The following OTUD7A variants were observed in gnomAD, a reference collection of about 807,000 sequenced individuals.
OTUD7A encodes OTU domain-containing protein 7A.
In OTUD7A, 12 loss-of-function variants were observed where a neutral mutation model predicts 65.7. The observed-to-expected ratio is 0.18, with a 90% CI of 0.12 to 0.30. The LOEUF (loss-of-function observed/expected upper bound fraction) is 0.30, where lower values mean the gene tolerates loss of function less well. Among genes scored for constraint, OTUD7A ranks in the 10% least tolerant of loss-of-function variants. OTUD7A has a pLI of 1.00. For missense variants in OTUD7A, 1,148 were observed against 1,304.8 expected (o/e 0.88, Z 1.85); for synonymous variants, 641 against 586.3 (o/e 1.09, Z -1.35).
intron 6 of OTUD7A, among the ~76,000 whole-genome samples, chr15:31,528,424 G>C (rs1461018661): frequency 1.3e-5 from 2 of 152,262 alleles, no homozygotes; most frequent in Non-Finnish European, 2.9e-5. Context: ...GGGCTCTCGA[G>C]GGAACTGTGA....
intron 1 of OTUD7A, among the ~76,000 whole-genome samples, chr15:31,729,629 T>A (rs1893986930): frequency 6.6e-6 from 1 of 152,190 alleles, no homozygotes; most frequent in Non-Finnish European, 1.5e-5. Flanking sequence ...GGGTATTATT[T>A]TCATTTTCAC....
chr15:31,518,078 C>G (rs930794875), intron 8 of OTUD7A, among the ~76,000 whole-genome samples: 1 of 152,080 alleles, frequency 6.6e-6, no homozygotes, highest in Admixed American at 6.5e-5. Context: ...GTGGTTAGTG[C>G]CCACTTTCCT....
chr15:31,482,121 TC>T lies in OTUD7A; in HGVS notation c.*1172del, dbSNP rs1384900120. On this transcript the variant is annotated 3_prime_UTR_variant, in exon 13 of 13. Coordinates refer to ENST00000307050, the MANE Select transcript of OTUD7A (RefSeq NM_001382637.1). ...GGTAGCTAAGGACACATTTTTTTTT[TC>T]CTCAAGAAATGTAGGAGGCACCAAA... The T allele has an allele frequency of 1.3e-5, 2 of 152,152 alleles. No homozygotes were observed. The highest frequency in any genetic ancestry group is 2.9e-5 in the Non-Finnish European group (2 of 68,008). 9.4% of individuals were successfully genotyped at this position (152,152 alleles called of 1,614,324 possible). A position where few individuals can be genotyped will look rare whatever the true frequency, so the allele number is the denominator to read the frequency against.
chr15:31,551,748 T>C (rs1330687332), intron 5 of OTUD7A, among the ~76,000 whole-genome samples: 2 of 152,108 alleles, frequency 1.3e-5, no homozygotes, highest in Non-Finnish European at 2.9e-5. Context: ...ATCACTGGAG[T>C]GCTCCCTCCC....
chr15:31,618,107 C>A (rs559342680), intron 3 of OTUD7A, among the ~76,000 whole-genome samples: 2 of 152,304 alleles, frequency 1.3e-5, no homozygotes, highest in African/African-American at 4.8e-5. Context: ...AGGACATGAA[C>A]TCATCATTTT....
At chr15:31,588,966 C>T (rs1409901219) in intron 3 of OTUD7A, among the ~76,000 whole-genome samples, 2 of 152,230 alleles carry the variant, frequency 1.3e-5, no homozygotes, top group South Asian at 2.1e-4. Context: ...TAGAAGGGCA[C>T]ATGGCACACT....
intron 3 of OTUD7A, among the ~76,000 whole-genome samples, chr15:31,651,504 T>A (rs932999351): frequency 2.7e-5 from 4 of 150,614 alleles, no homozygotes; most frequent in African/African-American, 9.8e-5. Context: ...GCCTAGAGAC[T>A]GGAAAGGAAG....
intron 1 of OTUD7A, among the ~76,000 whole-genome samples, chr15:31,711,114 T>C (rs1158193776): frequency 1.3e-5 from 2 of 148,696 alleles, no homozygotes; most frequent in East Asian, 4.0e-4. Context: ...GCAAATAGAG[T>C]TGAAGTGTTC....
chr15:31,747,010 A>C (rs1379249800), intron 1 of OTUD7A, among the ~76,000 whole-genome samples: 1 of 152,206 alleles, frequency 6.6e-6, no homozygotes, highest in Non-Finnish European at 1.5e-5. Flanking sequence ...TTACTGATGT[A>C]AATTATACCT....
intron 6 of OTUD7A, among the ~76,000 whole-genome samples, chr15:31,530,494 T>C (rs2042072032): frequency 6.6e-6 from 1 of 152,182 alleles, no homozygotes; most frequent in South Asian, 2.1e-4. Flanking sequence ...GCCAGGTCTT[T>C]TCTTATGTGT....
Position 31,484,707 on chromosome 15 carries a change from C to T in OTUD7A, c.1389G>A (p.Pro463=), listed in dbSNP as rs1227947851. ...PSETRAPLAQ[P]ESPTASAGED... Reference sequence around the variant, plus strand: ...CCCCTGCCGAGGCCGTGGGAGACTCCGGCTGTGCCAGGGGCGCCTGTGTGG... The same window carrying T: ...CCCCTGCCGAGGCCGTGGGAGACTCTGGCTGTGCCAGGGGCGCCTGTGTGG... The change falls in exon 13 of 13, where the codon CCG becomes CCA. Residue 463 remains proline (P), a synonymous_variant. Coordinates refer to ENST00000307050, the MANE Select transcript of OTUD7A (RefSeq NM_001382637.1). This position sits in a 1 kb window ranked among gnomAD's most constrained non-coding sequence, Gnocchi z 4.5. 46 of 1,588,646 alleles carry T rather than the reference C, an allele frequency of 2.9e-5. No individual in the cohort carries two copies. Among genetic ancestry groups the T allele is most frequent in the Middle Eastern group, 1.7e-4 (1 of 6,050 alleles).
intron 1 of OTUD7A, among the ~76,000 whole-genome samples, chr15:31,727,100 ACT>A (rs1261395238): frequency 6.6e-6 from 1 of 151,538 alleles, no homozygotes; most frequent in Non-Finnish European, 1.5e-5. Flanking sequence ...CCCCTAAGAG[ACT>A]CTCTCCCCTA....
At chr15:31,797,958 T>C (rs1180529551) in intron 1 of OTUD7A, among the ~76,000 whole-genome samples, 1 of 152,116 alleles carries the variant, frequency 6.6e-6, no homozygotes, top group African/African-American at 2.4e-5. Flanking sequence ...GCAGGGTTGA[T>C]TTCTCCTGAG....
intron 1 of OTUD7A, among the ~76,000 whole-genome samples, chr15:31,663,039 A>C (rs886489877): frequency 1.4e-5 from 2 of 148,068 alleles, no homozygotes; most frequent in Non-Finnish European, 3.0e-5. Context: ...TATCAAATGC[A>C]AATATAGTTT....
chr15:31,486,340 G>A (rs922434325), intron 12 of OTUD7A, among the ~76,000 whole-genome samples: 1 of 152,162 alleles, frequency 6.6e-6, no homozygotes, highest in Non-Finnish European at 1.5e-5. Context: ...CCTGCCTCAT[G>A]GAGCCCTGGG....
At chr15:31,730,354 T>C (rs1191051741) in intron 1 of OTUD7A, among the ~76,000 whole-genome samples, 1 of 152,236 alleles carries the variant, frequency 6.6e-6, no homozygotes, top group Non-Finnish European at 1.5e-5. Flanking sequence ...TATGAGATTT[T>C]ACTTTGTTTC....
chr15:31,794,351 A>C (rs1023926007), intron 1 of OTUD7A, among the ~76,000 whole-genome samples: 1 of 152,218 alleles, frequency 6.6e-6, no homozygotes, highest in African/African-American at 2.4e-5. Flanking sequence ...TTTCCTCTTT[A>C]CATTGATGGT....
In OTUD7A at chr15:31,656,130, C is replaced by T. The variant is rs140857025; in HGVS notation, c.-5+853G>A. Among the ~76,000 whole-genome samples, 776 of 152,284 alleles carry T rather than the reference C, an allele frequency of 5.1e-3. 3 individuals are homozygous for T. The highest frequency in any genetic ancestry group is 0.018 in the African/African-American group (738 of 41,572). On this transcript the variant is annotated intron_variant, in intron 2 of 12. Coordinates refer to ENST00000307050, the MANE Select transcript of OTUD7A (RefSeq NM_001382637.1). ...TCTTAAGAATGTCAGATTTCCCAGG[C>T]AGCATGATCCCAGCCAGAGAAATAG...
At chr15:31,802,133 G>GTATATA (rs1219526014) in intron 1 of OTUD7A, among the ~76,000 whole-genome samples, 5 of 117,220 alleles carry the variant, frequency 4.3e-5, no homozygotes, top group African/African-American at 1.6e-4. Context: ...GTGTGTGTGT[G>GTATATA]TGTGTGTGTA....
Sources: gnomAD v4.1 joint callset for allele counts (sites outside exome capture counted in the v4.1 genomes callset) on GRCh38, gnomAD v4.1.1 for gene constraint, Gnocchi (gnomAD v3.1) non-coding constraint, MANE v1.5 for transcripts, NCBI Gene and HGNC (gene_info 2026-07-23, HGNC 2026-07-21) for gene names.